The following JAM3 variants were observed in gnomAD, a reference collection of about 807,000 sequenced individuals.
The protein encoded by JAM3 is junctional adhesion molecule 3.
A neutral mutation model predicts 39.4 loss-of-function variants in JAM3; 31 were observed. The observed-to-expected ratio is 0.79, with a 90% CI of 0.59 to 1.06. The LOEUF is 1.06. Ranked by LOEUF, JAM3 falls within the 50% of genes least tolerant of loss-of-function variation. The pLI, the probability that JAM3 is intolerant of heterozygous loss-of-function variation, is 0.00. For synonymous variants in JAM3, 182 were observed against 148.7 expected (o/e 1.22, Z -1.63); for missense variants, 455 against 391.4 (o/e 1.16, Z -1.37).
At chr11:134,081,147 A>G (rs1052120492) in intron 1 of JAM3, among the ~76,000 whole-genome samples, 3 of 152,202 alleles carry the variant, frequency 2.0e-5, no homozygotes, top group Non-Finnish European at 4.4e-5. Context: ...TGTTAAAGGC[A>G]TTCAGTTTTA....
At chr11:134,091,345 A>T (rs1022297680) in intron 1 of JAM3, among the ~76,000 whole-genome samples, 6 of 152,114 alleles carry the variant, frequency 3.9e-5, no homozygotes, top group Non-Finnish European at 7.4e-5. Flanking sequence ...AATTAAAAAA[A>T]TTAGCCAGGT....
intron 1 of JAM3, among the ~76,000 whole-genome samples, chr11:134,123,125 A>C (rs1187530852): frequency 1.3e-5 from 2 of 152,212 alleles, no homozygotes; most frequent in Admixed American, 1.3e-4. Flanking sequence ...TGAGGAAAAG[A>C]AGCTAACATG....
intron 1 of JAM3, among the ~76,000 whole-genome samples, chr11:134,114,444 C>G (rs1186304360): frequency 3.9e-5 from 6 of 152,122 alleles, no homozygotes; most frequent in Admixed American, 3.9e-4. Context: ...ATAGGGAATC[C>G]TTTCCCCATT....
intron 1 of JAM3, among the ~76,000 whole-genome samples, chr11:134,113,198 G>GT (rs201082815): frequency 0.085 from 10,990 of 129,990 alleles, 500 homozygotes; most frequent in Admixed American, 0.11. Flanking sequence ...TGGACTGTCT[G>GT]GTTTTTTTTT....
chr11:134,118,814 C>T (rs944552903), intron 1 of JAM3, among the ~76,000 whole-genome samples: 15 of 152,108 alleles, frequency 9.9e-5, no homozygotes, highest in East Asian at 1.9e-4. Flanking sequence ...TCCACTTATG[C>T]TTTAAAAGCC....
chr11:134,084,375 T>TGG (rs1348172176), intron 1 of JAM3, among the ~76,000 whole-genome samples: 1 of 152,230 alleles, frequency 6.6e-6, no homozygotes, highest in Non-Finnish European at 1.5e-5. Context: ...TTGAAGTCAA[T>TGG]TTCCTTATCT....
At position 134,151,227 on chromosome 11, in the gene JAM3, T is replaced by C. The variant is rs1943222945; in HGVS notation, c.*2046T>C. Reference sequence around the variant, plus strand: ...TGCATACATGAGACTGTGTTGACTTTTTTTAGTTATGTGAAACACTTTGCC... The same window carrying C: ...TGCATACATGAGACTGTGTTGACTTCTTTTAGTTATGTGAAACACTTTGCC... On this transcript the variant is annotated 3_prime_UTR_variant, in exon 9 of 9. Transcript: ENST00000299106. The C allele has an allele frequency of 6.6e-6, 1 of 152,246 alleles. No homozygotes were observed. The highest frequency in any genetic ancestry group is 2.4e-5 in the African/African-American group (1 of 41,452). The allele number at this position is 152,246 out of a possible 1,614,324, so 9.4% of individuals were successfully genotyped here. A position where few individuals can be genotyped will look rare whatever the true frequency, so the allele number is the denominator to read the frequency against.
intron 1 of JAM3, among the ~76,000 whole-genome samples, chr11:134,084,027 G>A (rs764181191): frequency 6.6e-6 from 1 of 152,062 alleles, no homozygotes; most frequent in Non-Finnish European, 1.5e-5. Context: ...GGAGAAAATT[G>A]GTCATAAGAC....
At chr11:134,126,167 TA>T (rs1307722349) in intron 1 of JAM3, among the ~76,000 whole-genome samples, 2 of 152,284 alleles carry the variant, frequency 1.3e-5, no homozygotes, top group East Asian at 3.9e-4. Context: ...CAACTGTCCA[TA>T]AAGGTAGAAT....
At chr11:134,099,862 C>T (rs1942043843) in intron 1 of JAM3, among the ~76,000 whole-genome samples, 1 of 152,292 alleles carries the variant, frequency 6.6e-6, no homozygotes, top group African/African-American at 2.4e-5. Context: ...GCCTTGGCCT[C>T]CCAAAGTGCT....
chr11:134,148,447 A>G (rs1943119624), intron 6 of JAM3, 100 bp from the exon 7 acceptor site: 1 of 1,520,694 alleles, frequency 6.6e-7, no homozygotes, highest in Non-Finnish European at 9.1e-7. Context: ...GCAGGGGGCA[A>G]GTGGGTTTGG....
chr11:134,131,024 C>T (rs191946291), intron 1 of JAM3, among the ~76,000 whole-genome samples: 4 of 152,216 alleles, frequency 2.6e-5, no homozygotes, highest in Non-Finnish European at 4.4e-5. Flanking sequence ...TAGGAAATTA[C>T]GACTCTCAAA....
At chr11:134,108,270 C>G (rs1364462493) in intron 1 of JAM3, among the ~76,000 whole-genome samples, 1 of 151,760 alleles carries the variant, frequency 6.6e-6, no homozygotes, top group Admixed American at 6.6e-5. Context: ...CTAACATCTA[C>G]TTTTTAAAAA....
chr11:134,148,034 G>A (rs1487132876), intron 6 of JAM3: 1 of 194,524 alleles, frequency 5.1e-6, no homozygotes, highest in East Asian at 1.3e-4. Context: ...TAGATCGGAG[G>A]TCAGGCAGCC....
At chr11:134,137,666 C>G (rs1041020662) in intron 1 of JAM3, among the ~76,000 whole-genome samples, 1 of 151,918 alleles carries the variant, frequency 6.6e-6, no homozygotes, top group African/African-American at 2.4e-5. Context: ...GGTGGTGTCT[C>G]GTCTAAGTCG....
rs572472879 is a variant in JAM3, at chr11:134,069,080, C to A, written c.-4C>A. On this transcript the variant is annotated 5_prime_UTR_variant, in exon 1 of 9. Transcript: ENST00000299106. ...CTGCCGCTGGCCCCTCAGCAACCCT[C>A]GACATGGCGCTGAGGCGGCCACCGC... is the stretch of plus-strand genomic sequence containing the variant. 1 of 1,610,254 alleles carries A rather than the reference C, an allele frequency of 6.2e-7. No homozygotes were observed. Among genetic ancestry groups the A allele is most frequent in the East Asian group, 2.2e-5 (1 of 44,702 alleles).
rs79915781 is a variant in JAM3 at position 134,144,831 on chromosome 11, T to C, written c.449T>C (p.Val150Ala). ...CCTGTCTGTAGAGTGCCGAAGGCTG[T>C]ACCAGTAGGCAAGATGGCAACACTG... ...VTPVCRVPKA[V>A]PVGKMATLHC... Residue 150 changes from valine to alanine, a missense_variant, in exon 5 of 9, where the codon GTA (valine) becomes GCA (alanine). By Grantham distance (64) the Val-to-Ala change is moderately conservative. Transcript: ENST00000299106. The C allele has an allele frequency of 1.6e-3, 2,647 of 1,614,184 alleles. 52 individuals carry two copies. In the African/African-American group the frequency reaches 0.031, roughly 19 times the overall value.
At chr11:134,139,998 G>A (rs143588451) in intron 2 of JAM3, 82 bp downstream of exon 2, 63 of 1,074,642 alleles carry the variant, frequency 5.9e-5, no homozygotes, top group East Asian at 5.0e-4. Flanking sequence ...GGACACATCT[G>A]TCTCTGTAAG....
intron 1 of JAM3, among the ~76,000 whole-genome samples, chr11:134,078,462 C>T (rs1260512123): frequency 6.6e-6 from 1 of 152,180 alleles, no homozygotes; most frequent in African/African-American, 2.4e-5. Context: ...GTTTAACACT[C>T]CTACCCATCT....
Sources: gnomAD v4.1 joint callset for allele counts (sites outside exome capture counted in the v4.1 genomes callset) on GRCh38, gnomAD v4.1.1 for gene constraint, MANE v1.5 for transcripts, NCBI Gene and HGNC (gene_info 2026-07-23, HGNC 2026-07-21) for gene names.